The following ECM2 variants were observed in gnomAD, a reference collection of about 807,000 sequenced individuals.
ECM2 encodes extracellular matrix protein 2, female organ and adipocyte specific.
A neutral mutation model predicts 67.5 loss-of-function variants in ECM2; 57 were observed. The observed-to-expected ratio is 0.84, with a 90% confidence interval of 0.68 to 1.05. The LOEUF (loss-of-function observed/expected upper bound fraction) is 1.05. ECM2 is among the 50% of genes least tolerant of loss of function. The pLI is 0.00. For synonymous variants in ECM2, 258 were observed against 294.5 expected (o/e 0.88, Z 1.27); for missense variants, 741 against 822.8 (o/e 0.90, Z 1.22).
At chr9:92,505,765 C>A in intron 6 of ECM2, 75 bp from the exon 7 acceptor site, 1 of 1,235,996 alleles carries the variant, frequency 8.1e-7, no homozygotes, top group South Asian at 1.5e-5. Flanking sequence ...TTTGAAATGT[C>A]ATGTGAAATG....
intron 4 of ECM2, among the ~76,000 whole-genome samples, 165 bp downstream of exon 4, chr9:92,514,466 G>A (rs1481487967): frequency 6.6e-6 from 1 of 151,786 alleles, no homozygotes; most frequent in Non-Finnish European, 1.5e-5. Context: ...GTAGAGATGG[G>A]GTTTCACCAT....
At chr9:92,546,464 A>C in the ECM2 span, among the ~76,000 whole-genome samples, 1 of 152,064 alleles carries the variant, frequency 6.6e-6, no homozygotes, top group Admixed American at 6.5e-5. Flanking sequence ...TTCGCTCCTG[A>C]AGCCAGCGAG....
At chr9:92,505,439 A>T in intron 7 of ECM2, 94 bp downstream of exon 7, 1 of 1,134,630 alleles carries the variant, frequency 8.8e-7, no homozygotes, top group Non-Finnish European at 1.2e-6. Flanking sequence ...ACTAGAGTTT[A>T]ATTTACATCA....
At chr9:92,499,010 G>C (rs1168339398) in intron 9 of ECM2, among the ~76,000 whole-genome samples, 2 of 152,110 alleles carry the variant, frequency 1.3e-5, no homozygotes, top group Non-Finnish European at 2.9e-5. Flanking sequence ...TCCCACTTGG[G>C]GCTTCTCAAT....
intron 6 of ECM2, among the ~76,000 whole-genome samples, chr9:92,509,505 C>A (rs1847208548): frequency 6.6e-6 from 1 of 152,138 alleles, no homozygotes. Context: ...TAAAGGAGAT[C>A]CAATCAACAA....
the ECM2 span, among the ~76,000 whole-genome samples, chr9:92,543,385 T>A: frequency 7.2e-6 from 1 of 139,492 alleles, no homozygotes; most frequent in Non-Finnish European, 1.5e-5. Flanking sequence ...AGGCAGAAGA[T>A]CACTTGAACC....
the ECM2 span, among the ~76,000 whole-genome samples, chr9:92,551,944 T>TG: frequency 1.5e-5 from 2 of 130,000 alleles, no homozygotes; most frequent in Non-Finnish European, 3.2e-5. Flanking sequence ...TATATATATA[T>TG]ATATATATGA....
In ECM2 at chr9:92,496,238, G is replaced by C. The variant is rs887968649; in HGVS notation, c.*77C>G. The C allele has an allele frequency of 6.7e-7, 1 of 1,499,168 alleles. No homozygotes were observed. Among genetic ancestry groups the C allele is most frequent in the Non-Finnish European group, 8.8e-7 (1 of 1,135,596 alleles). 92.9% of individuals were successfully genotyped at this position (1,499,168 alleles called of 1,614,324 possible). On this transcript the variant is annotated 3_prime_UTR_variant, in exon 10 of 10. Transcript: ENST00000344604. ...ATACTGAGTATAACAGGAGGATTAT[G>C]TCTCTCTTATTAATGACAAATGCAG... is the stretch of plus-strand genomic sequence containing the variant.
the ECM2 span, among the ~76,000 whole-genome samples, chr9:92,544,249 G>A: frequency 0.04 from 6,072 of 152,322 alleles, 186 homozygotes; most frequent in South Asian, 0.099. Flanking sequence ...GCTGAGGCAC[G>A]TGGATCACTT....
chr9:92,552,022 A>C, the ECM2 span, among the ~76,000 whole-genome samples: 1 of 138,966 alleles, frequency 7.2e-6, no homozygotes, highest in Non-Finnish European at 1.5e-5. Context: ...ATGATATGAT[A>C]GATCTATCAT....
At chr9:92,557,189 G>A in the ECM2 span, among the ~76,000 whole-genome samples, 1 of 152,178 alleles carries the variant, frequency 6.6e-6, no homozygotes, top group Admixed American at 6.5e-5. Context: ...TGAGAAATCT[G>A]CTGTTAATCT....
intron 1 of ECM2, among the ~76,000 whole-genome samples, chr9:92,523,584 T>C (rs1335977960): frequency 6.6e-6 from 1 of 152,180 alleles, no homozygotes; most frequent in Non-Finnish European, 1.5e-5. Context: ...ATCACTTAGA[T>C]CTAAGAAGCA....
chr9:92,534,824 A>C (rs142462617), intron 1 of ECM2, among the ~76,000 whole-genome samples: 1 of 152,342 alleles, frequency 6.6e-6, no homozygotes, highest in East Asian at 1.9e-4. Flanking sequence ...TCTGCAATGC[A>C]TGAAATGTAT....
At chr9:92,506,775 AT>A (rs1302391132) in intron 6 of ECM2, among the ~76,000 whole-genome samples, 1 of 152,198 alleles carries the variant, frequency 6.6e-6, no homozygotes, top group Non-Finnish European at 1.5e-5. Context: ...AGCTGAGCAC[AT>A]GTAGGTGAAA....
chr9:92,530,252 A>T (rs1848663748), intron 1 of ECM2, among the ~76,000 whole-genome samples: 1 of 152,194 alleles, frequency 6.6e-6, no homozygotes, highest in Non-Finnish European at 1.5e-5. Context: ...AATACAGAGT[A>T]ACAAGAGTGA....
the ECM2 span, among the ~76,000 whole-genome samples, chr9:92,546,719 C>A: frequency 6.6e-6 from 1 of 152,136 alleles, no homozygotes; most frequent in Non-Finnish European, 1.5e-5. Context: ...ACCAAGAACC[C>A]AGCAGTTCTG....
chr9:92,532,720 A>G (rs1273637891), intron 1 of ECM2, among the ~76,000 whole-genome samples: 3 of 151,960 alleles, frequency 2.0e-5, no homozygotes, highest in Non-Finnish European at 4.4e-5. Context: ...AAAAATTTTA[A>G]TCTCATCTTT....
Position 92,496,632 on chromosome 9 carries a change from C to A in ECM2, c.1932-149G>T, listed in dbSNP as rs531968704. On this transcript the variant is annotated intron_variant, in intron 9 of 9. Transcript: ENST00000344604. The stretch of plus-strand genomic sequence containing the variant: ...ATAAATTCCAACTACGTCAGAGATT[C>A]AAATGTGAAAGATGAAGCCATAGAA... 460 of 988,918 alleles carry A rather than the reference C, an allele frequency of 4.7e-4. 3 individuals carry two copies. In the African/African-American group the frequency reaches 7.2e-3, roughly 15 times the overall value. The allele number at this position is 988,918 out of a possible 1,614,324, so 61.3% of individuals were successfully genotyped here. A position where few individuals can be genotyped will look rare whatever the true frequency, so the allele number is the denominator to read the frequency against.
chr9:92,498,424 A>G (rs1168973546), intron 9 of ECM2, among the ~76,000 whole-genome samples: 2 of 152,056 alleles, frequency 1.3e-5, no homozygotes, highest in Non-Finnish European at 2.9e-5. Flanking sequence ...CGTTGTGCAC[A>G]TGTACCCTAA....
Sources: gnomAD v4.1 joint callset for allele counts (sites outside exome capture counted in the v4.1 genomes callset) on GRCh38, gnomAD v4.1.1 for gene constraint, MANE v1.5 for transcripts, NCBI Gene and HGNC (gene_info 2026-07-23, HGNC 2026-07-21) for gene names.